The following NEK10 variants were observed in gnomAD, a reference collection of about 807,000 sequenced individuals.
NEK10 encodes the protein NIMA related kinase 10.
A neutral mutation model predicts 159.8 loss-of-function variants in NEK10; 122 were observed. The observed-to-expected ratio is 0.76, with a 90% CI of 0.66 to 0.89. NEK10 has a LOEUF of 0.89. Ranked by LOEUF, NEK10 falls within the 40% of genes least tolerant of loss-of-function variation. The pLI is 0.00. For synonymous variants in NEK10, 466 were observed against 457.1 expected (o/e 1.02, Z -0.25); for missense variants, 1,342 against 1,323.1 (o/e 1.01, Z -0.22).
chr3:27,355,488 G>T (rs1218707467), intron 1 of NEK10, among the ~76,000 whole-genome samples: 1 of 151,902 alleles, frequency 6.6e-6, no homozygotes, highest in Non-Finnish European at 1.5e-5. Context: ...GTACCACAAT[G>T]GCTCTCTAGA....
At position 27,311,003 on chromosome 3, in the gene NEK10, T is replaced by G. The variant is rs762299755; in HGVS notation, c.582A>C (p.Lys194Asn). 2 of 1,610,342 alleles carry G rather than the reference T, an allele frequency of 1.2e-6. No homozygotes were observed. The highest frequency in any genetic ancestry group is 8.5e-7 in the Non-Finnish European group (1 of 1,176,784). Residue 194 changes from lysine to asparagine, a missense_variant, in exon 9 of 36, where the codon AAA becomes AAC. Physicochemically the swap from Lys to Asn is moderately conservative, Grantham distance 94. Coordinates refer to ENST00000691995, the MANE Select transcript of NEK10 (RefSeq NM_001394966.1). ...KLVNMTYIFQ[K>N]LAAVKDQREW... ...CTCTTTGATCTTTGACTGCAGCAAGTTTTTGAAAAATATCTATAAAGGAAA... is the reference window on the plus strand; with the variant it reads ...CTCTTTGATCTTTGACTGCAGCAAGGTTTTGAAAAATATCTATAAAGGAAA...
chr3:27,322,600 C>T (rs1173649011), intron 5 of NEK10, among the ~76,000 whole-genome samples: 1 of 152,082 alleles, frequency 6.6e-6, no homozygotes, highest in African/African-American at 2.4e-5. Context: ...TACGCCATAA[C>T]CAATTGGTAT....
intron 30 of NEK10, among the ~76,000 whole-genome samples, chr3:27,153,252 G>A (rs1157093807): frequency 1.3e-5 from 2 of 150,194 alleles, no homozygotes; most frequent in East Asian, 3.9e-4. Context: ...CCTGGGAGGC[G>A]AAGCTTGCAG....
At chr3:27,127,005 A>AAAAC (rs199595793) in intron 32 of NEK10, among the ~76,000 whole-genome samples, 33 of 151,966 alleles carry the variant, frequency 2.2e-4, no homozygotes, top group Admixed American at 8.5e-4. Context: ...GGAATACACT[A>AAAAC]AAACAAACAA....
intron 23 of NEK10, among the ~76,000 whole-genome samples, chr3:27,230,157 C>T (rs533400509): frequency 6.6e-6 from 1 of 151,968 alleles, no homozygotes; most frequent in Non-Finnish European, 1.5e-5. Context: ...ACCGATCAGA[C>T]TAACAGAAGA....
rs1939371047 is a variant in NEK10 at position 27,110,159 on chromosome 3, G to C, written c.*1113C>G. The C allele has an allele frequency of 6.6e-6, 1 of 152,180 alleles. No homozygotes were observed. The highest frequency in any genetic ancestry group is 1.5e-5 in the Non-Finnish European group (1 of 68,036). 9.4% of individuals were successfully genotyped at this position (152,180 alleles called of 1,614,324 possible). A position where few individuals can be genotyped will look rare whatever the true frequency, so the allele number is the denominator to read the frequency against. ...GAATAAATTGCTCTTTAGGTAGCTA[G>C]AAGTGTAGACAGATTTCGCAATAAG... On this transcript the variant is annotated 3_prime_UTR_variant, in exon 36 of 36. Coordinates refer to ENST00000691995, the MANE Select transcript of NEK10 (RefSeq NM_001394966.1).
chr3:27,365,619 T>TTTTTTTTTTTTTTTTTTTTTTTTTG (rs1559571627), intron 1 of NEK10, among the ~76,000 whole-genome samples: 1 of 137,828 alleles, frequency 7.3e-6, no homozygotes, highest in African/African-American at 2.8e-5. Context: ...TGTTTTTTTT[T>TTTTTTTTTTTTTTTTTTTTTTTTTG]TTTTTTTTTT....
At chr3:27,334,415 A>G (rs543351444) in intron 5 of NEK10, among the ~76,000 whole-genome samples, 6 of 152,330 alleles carry the variant, frequency 3.9e-5, no homozygotes, top group African/African-American at 1.4e-4. Context: ...CAAGTAAGCC[A>G]CTTGGAGGCC....
At chr3:27,273,391 G>A (rs2041525593) in intron 22 of NEK10, among the ~76,000 whole-genome samples, 1 of 152,162 alleles carries the variant, frequency 6.6e-6, no homozygotes, top group South Asian at 2.1e-4. Flanking sequence ...ATGACCTCTA[G>A]AAGTAGACAT....
chr3:27,135,138 G>A (rs1943054458), intron 31 of NEK10, among the ~76,000 whole-genome samples: 1 of 152,154 alleles, frequency 6.6e-6, no homozygotes, highest in Admixed American at 6.5e-5. Context: ...AACATTTTCA[G>A]CCAGGCACGG....
chr3:27,163,883 A>G (rs191723493), intron 29 of NEK10, among the ~76,000 whole-genome samples: 144 of 152,312 alleles, frequency 9.5e-4, no homozygotes, highest in African/African-American at 3.0e-3. Flanking sequence ...TTAATCATAG[A>G]ATTTTTGATA....
intron 1 of NEK10, among the ~76,000 whole-genome samples, chr3:27,365,260 T>C (rs1337896372): frequency 1.3e-5 from 2 of 152,244 alleles, no homozygotes; most frequent in African/African-American, 2.4e-5. Context: ...GTGCTTTATC[T>C]GTCCTGCTTG....
intron 30 of NEK10, among the ~76,000 whole-genome samples, chr3:27,153,596 T>C (rs1945108686): frequency 6.6e-6 from 1 of 152,158 alleles, no homozygotes; most frequent in Non-Finnish European, 1.5e-5. Context: ...ATTGAAATTA[T>C]ATCAAGCACT....
At chr3:27,179,051 C>G (rs2148905471) in intron 26 of NEK10, among the ~76,000 whole-genome samples, 1 of 152,278 alleles carries the variant, frequency 6.6e-6, no homozygotes, top group Non-Finnish European at 1.5e-5. Context: ...TACAGAGGCA[C>G]ACCACTGTGT....
intron 15 of NEK10, 76 bp downstream of exon 15, chr3:27,295,537 A>C: frequency 6.7e-7 from 1 of 1,496,198 alleles, no homozygotes; most frequent in Non-Finnish European, 8.9e-7. Flanking sequence ...ACATTCTAAA[A>C]ATCATAGATC....
At chr3:27,332,410 C>T (rs2046484227) in intron 5 of NEK10, among the ~76,000 whole-genome samples, 2 of 152,052 alleles carry the variant, frequency 1.3e-5, no homozygotes, top group Non-Finnish European at 2.9e-5. Flanking sequence ...ATTATTTTTT[C>T]CCAAAGTTCT....
intron 5 of NEK10, among the ~76,000 whole-genome samples, chr3:27,333,693 G>C (rs1359075020): frequency 6.6e-6 from 1 of 152,120 alleles, no homozygotes; most frequent in Admixed American, 6.5e-5. Context: ...ACCCAGGTAG[G>C]AGGCATGATC....
At chr3:27,303,796 CA>C (rs2044021203) in intron 12 of NEK10, among the ~76,000 whole-genome samples, 1 of 152,122 alleles carries the variant, frequency 6.6e-6, no homozygotes, top group Non-Finnish European at 1.5e-5. Context: ...GTCATAACAA[CA>C]TTGATTTGAT....
At chr3:27,280,102 A>AC (rs1354589767) in intron 22 of NEK10, among the ~76,000 whole-genome samples, 1 of 149,360 alleles carries the variant, frequency 6.7e-6, no homozygotes, top group East Asian at 1.9e-4. Flanking sequence ...ATGGAAAAAA[A>AC]AAAAAAAAAA....
Sources: allele counts gnomAD v4.1 joint callset (sites outside exome capture counted in the v4.1 genomes callset), GRCh38; gene constraint gnomAD v4.1.1; transcripts MANE v1.5; gene names NCBI Gene and HGNC (gene_info 2026-07-23, HGNC 2026-07-21).